Variants in USP34 observed in about 807,000 individuals in gnomAD.
The protein encoded by USP34 is ubiquitin carboxyl-terminal hydrolase 34.
In USP34, 70 loss-of-function variants were observed where a neutral mutation model predicts 460.3. That is an observed-to-expected ratio of 0.15 (90% CI 0.13 to 0.19). USP34 has a LOEUF of 0.19. USP34 is among the 10% of genes least tolerant of loss of function. The pLI is 1.00. For missense variants in USP34, 3,985 were observed against 4,236.2 expected (o/e 0.94, Z 1.65); for synonymous variants, 1,647 against 1,405.3 (o/e 1.17, Z -3.85).
At chr2:61,236,509 C>CT in intron 53 of USP34, 120 bp from the exon 54 acceptor site, 1 of 710,266 alleles carries the variant, frequency 1.4e-6, no homozygotes, top group Admixed American at 3.4e-5. Context: ...AATCCATGCA[C>CT]TTTAAGTTCA....
chr2:61,355,913 G>C (rs1172602693), intron 10 of USP34, among the ~76,000 whole-genome samples: 1 of 152,086 alleles, frequency 6.6e-6, no homozygotes, highest in Non-Finnish European at 1.5e-5. Flanking sequence ...GACAGAAAAA[G>C]ATATTCCACG....
chr2:61,454,344 G>C (rs895215975), intron 1 of USP34, among the ~76,000 whole-genome samples: 2 of 152,146 alleles, frequency 1.3e-5, no homozygotes, highest in South Asian at 2.1e-4. Flanking sequence ...GGCTGGTATT[G>C]AACTCCTGAC....
chr2:61,395,540 T>TG (rs1693490981), intron 3 of USP34, among the ~76,000 whole-genome samples: 1 of 147,672 alleles, frequency 6.8e-6, no homozygotes, highest in African/African-American at 2.7e-5. Flanking sequence ...GGCTCACGCC[T>TG]GTAATCCCAG....
At chr2:61,260,273 TA>T (rs1235585848) in intron 43 of USP34, among the ~76,000 whole-genome samples, 1 of 152,186 alleles carries the variant, frequency 6.6e-6, no homozygotes, top group Non-Finnish European at 1.5e-5. Context: ...CAACTATCAA[TA>T]AGTCAAATTC....
intron 1 of USP34, among the ~76,000 whole-genome samples, chr2:61,439,787 T>A (rs1290351366): frequency 2.6e-5 from 4 of 152,164 alleles, no homozygotes; most frequent in Non-Finnish European, 1.5e-5. Flanking sequence ...CCTGGAGACC[T>A]GCTCAGCCAT....
At position 61,345,098 on chromosome 2, in the gene USP34, C is replaced by A. The variant is rs534033476; in HGVS notation, c.2286-1069G>T. On this transcript the variant is annotated intron_variant, in intron 15 of 79. Coordinates refer to ENST00000398571, the MANE Select transcript of USP34 (RefSeq NM_014709.4). Reference sequence around the variant, plus strand: ...GACCAGCCTGGCCAACATGGTGAAACCCCGTCTCTACTAAAAATACAAAAA... The same window carrying A: ...GACCAGCCTGGCCAACATGGTGAAAACCCGTCTCTACTAAAAATACAAAAA... Among the ~76,000 whole-genome samples the A allele has an allele frequency of 1.7e-3, 256 of 152,092 alleles. 1 individual carries two copies. Among genetic ancestry groups the A allele is most frequent in the African/African-American group, 6.0e-3 (250 of 41,470 alleles).
At position 61,284,403 on chromosome 2, in the gene USP34, T is replaced by G. The variant is rs374271693; in HGVS notation, c.4832+472A>C. Among the ~76,000 whole-genome samples, 354 of 152,212 alleles carry G rather than the reference T, an allele frequency of 2.3e-3. 3 individuals carry two copies. The highest frequency in any genetic ancestry group is 7.5e-3 in the South Asian group (36 of 4,828). On this transcript the variant is annotated intron_variant, in intron 35 of 79. Coordinates refer to ENST00000398571, the MANE Select transcript of USP34 (RefSeq NM_014709.4). ...GAAAGGCTGAGAAAGTTATCTCTGA[T>G]GAAAAGAAACAGAAGAACTGACAAC...
At position 61,348,182 on chromosome 2, in the gene USP34, G is replaced by A; in HGVS notation, c.1973C>T (p.Ser658Phe). The change falls in exon 15 of 80, where the codon TCC becomes TTC. Residue 658 changes from serine (S) to phenylalanine (F), a missense_variant. Transcript: ENST00000398571. ...CCCATTTCTTTCTGACATGCCTTGGGAGTCCCCCAGGCAAATGCCTGCTTG... is the reference window on the plus strand; with the variant it reads ...CCCATTTCTTTCTGACATGCCTTGGAAGTCCCCCAGGCAAATGCCTGCTTG... ...ESQAGICLGD[S>F]QGMSERNGTS... is the part of the protein sequence containing the mutation. 1 of 1,614,174 alleles carries A rather than the reference G, an allele frequency of 6.2e-7. No homozygotes were observed. Among genetic ancestry groups the A allele is most frequent in the Non-Finnish European group, 8.5e-7 (1 of 1,180,034 alleles).
chr2:61,300,854 T>G (rs987779624), intron 29 of USP34, 97 bp downstream of exon 29: 1 of 774,500 alleles, frequency 1.3e-6, no homozygotes, highest in Non-Finnish European at 1.9e-6. Context: ...AATTATTATA[T>G]ACTTTATAAC....
intron 9 of USP34, 28 bp from the exon 10 acceptor site, chr2:61,370,441 T>A (rs1282571035): frequency 6.2e-7 from 1 of 1,613,056 alleles, no homozygotes; most frequent in East Asian, 2.2e-5. Flanking sequence ...AATATCAATT[T>A]TTAAAAATAT....
chr2:61,289,313 C>T (rs1689779961), intron 33 of USP34, among the ~76,000 whole-genome samples: 3 of 152,052 alleles, frequency 2.0e-5, no homozygotes, highest in African/African-American at 7.2e-5. Context: ...TTAATACTTA[C>T]GGACCAAAGC....
intron 53 of USP34, among the ~76,000 whole-genome samples, chr2:61,238,593 A>C (rs887521208): frequency 6.6e-6 from 1 of 152,202 alleles, no homozygotes; most frequent in South Asian, 2.1e-4. Context: ...TAAATGTACA[A>C]ATCTAAAAAA....
intron 64 of USP34, 121 bp from the exon 65 acceptor site, chr2:61,222,784 C>T (rs1305361848): frequency 4.4e-6 from 4 of 899,648 alleles, no homozygotes; most frequent in Non-Finnish European, 5.2e-6. Flanking sequence ...GCAGCCTCCA[C>T]TTCTCAGGCT....
At position 61,470,752 on chromosome 2, in the gene USP34, C is replaced by T. The variant is rs1695934273; in HGVS notation, c.-60G>A. Reference sequence around the variant, plus strand: ...GATCACACTGACTGATCCCGACCGGCGGGGGGGAGGGGAGAGAGGCGGAGG... The same window carrying T: ...GATCACACTGACTGATCCCGACCGGTGGGGGGGAGGGGAGAGAGGCGGAGG... On this transcript the variant is annotated 5_prime_UTR_variant, in exon 1 of 80. Transcript: ENST00000398571. The T allele has an allele frequency of 5.4e-6, 7 of 1,291,346 alleles. No individual in the cohort carries two copies. In the Admixed American group the frequency reaches 8.5e-5, roughly 16 times the overall value. The allele number at this position is 1,291,346 out of a possible 1,614,324, so 80.0% of individuals were successfully genotyped here.
chr2:61,256,758 G>A (rs1688734212), intron 47 of USP34, 115 bp downstream of exon 47: 12 of 763,748 alleles, frequency 1.6e-5, no homozygotes, highest in Non-Finnish European at 2.2e-5. Context: ...ACAGTAAGAA[G>A]AAAATACATA....
intron 1 of USP34, among the ~76,000 whole-genome samples, chr2:61,458,942 T>C (rs1351963081): frequency 6.6e-6 from 1 of 152,028 alleles, no homozygotes; most frequent in Admixed American, 6.6e-5. Flanking sequence ...GGTGGGCGCC[T>C]ACAATCCCAG....
intron 41 of USP34, among the ~76,000 whole-genome samples, chr2:61,268,361 T>C (rs1256857974): frequency 6.9e-6 from 1 of 145,412 alleles, no homozygotes; most frequent in African/African-American, 2.6e-5. Context: ...CATCAGGGTG[T>C]ATCCCTGAAG....
chr2:61,201,257 C>T (rs983336704), intron 75 of USP34, among the ~76,000 whole-genome samples: 3 of 145,344 alleles, frequency 2.1e-5, no homozygotes, highest in African/African-American at 7.7e-5. Flanking sequence ...CGCTTAGTCA[C>T]CAGGCTGGAG....
chr2:61,421,271 A>G (rs1199996739), intron 1 of USP34, among the ~76,000 whole-genome samples: 1 of 152,184 alleles, frequency 6.6e-6, no homozygotes, highest in Non-Finnish European at 1.5e-5. Context: ...CCTCCAGCTT[A>G]GTATTCCAAG....
Sources: allele counts gnomAD v4.1 joint callset (sites outside exome capture counted in the v4.1 genomes callset), GRCh38; gene constraint gnomAD v4.1.1; transcripts MANE v1.5; gene names NCBI Gene and HGNC (gene_info 2026-07-23, HGNC 2026-07-21).